The following KDM4C variants were observed in gnomAD, a reference collection of about 807,000 sequenced individuals.
KDM4C encodes lysine-specific demethylase 4C.
Under a neutral mutation model 129.3 loss-of-function variants are expected in KDM4C, and 81 were observed. The ratio of observed to expected loss-of-function variants is 0.63; its 90% CI spans 0.52 to 0.75. The LOEUF (loss-of-function observed/expected upper bound fraction) is 0.75. KDM4C is among the 30% of genes least tolerant of loss of function. The pLI, the probability that KDM4C is intolerant of heterozygous loss-of-function variation, is 0.00. For synonymous variants in KDM4C, 573 were observed against 456.1 expected (o/e 1.26, Z -3.26); for missense variants, 1,457 against 1,304.0 (o/e 1.12, Z -1.81).
chr9:7,105,627 C>CT (rs1837599516), intron 18 of KDM4C: 2 of 357,796 alleles, frequency 5.6e-6, no homozygotes, highest in East Asian at 7.5e-5. Flanking sequence ...AGCTCATACT[C>CT]TATTATTTGG....
rs118091453 is a variant in KDM4C, at chr9:7,151,027, C to T, written c.2782-14211C>T. Among the ~76,000 whole-genome samples, 351 of 152,182 alleles carry T rather than the reference C, an allele frequency of 2.3e-3. 7 individuals carry two copies. Among genetic ancestry groups the T allele is most frequent in the East Asian group, 0.014 (73 of 5,172 alleles). ...GGGAAAGTACGTACTAACAAAGCAG[C>T]GGACCAGGCACTGTGGCTCACACCT... is the stretch of plus-strand genomic sequence containing the variant. On this transcript the variant is annotated intron_variant, in intron 19 of 21. Coordinates refer to ENST00000381309, the MANE Select transcript of KDM4C (RefSeq NM_015061.6).
At chr9:6,913,538 A>G (rs565871964) in intron 8 of KDM4C, among the ~76,000 whole-genome samples, 1 of 152,208 alleles carries the variant, frequency 6.6e-6, no homozygotes, top group Non-Finnish European at 1.5e-5. Context: ...AGAGGCAGGC[A>G]AAGGGCTGTT....
At chr9:6,853,129 G>A (rs1839161351) in intron 5 of KDM4C, among the ~76,000 whole-genome samples, 1 of 152,056 alleles carries the variant, frequency 6.6e-6, no homozygotes, top group Non-Finnish European at 1.5e-5. Flanking sequence ...TATTGAATTA[G>A]AAGAGTGTTA....
At chr9:6,824,848 C>T (rs1564098270) in intron 4 of KDM4C, among the ~76,000 whole-genome samples, 2 of 151,872 alleles carry the variant, frequency 1.3e-5, no homozygotes, top group East Asian at 3.9e-4. Context: ...ATGTCTAGCT[C>T]AATAGAAGAT....
intron 20 of KDM4C, among the ~76,000 whole-genome samples, chr9:7,168,104 C>G (rs1019146886): frequency 6.6e-6 from 1 of 152,182 alleles, no homozygotes; most frequent in Non-Finnish European, 1.5e-5. Context: ...AGAAGAATCA[C>G]TTGAACCCAG....
At chr9:6,825,127 C>A (rs1043035635) in intron 4 of KDM4C, among the ~76,000 whole-genome samples, 1 of 134,810 alleles carries the variant, frequency 7.4e-6, no homozygotes, top group Admixed American at 8.1e-5. Context: ...GCCTGGGCAA[C>A]CAGAGTGAAA....
intron 12 of KDM4C, among the ~76,000 whole-genome samples, chr9:7,003,207 C>G (rs965506546): frequency 6.0e-4 from 91 of 152,266 alleles, no homozygotes; most frequent in African/African-American, 2.2e-3. Context: ...AGCTAGAATA[C>G]TGGTAAAAGA....
At chr9:7,062,336 C>G (rs1831813938) in intron 17 of KDM4C, among the ~76,000 whole-genome samples, 1 of 151,966 alleles carries the variant, frequency 6.6e-6, no homozygotes, top group African/African-American at 2.4e-5. Flanking sequence ...TGTCACTTGT[C>G]TTACTTTCTA....
chr9:6,849,287 A>C (rs563573062), intron 4 of KDM4C, among the ~76,000 whole-genome samples: 1 of 152,224 alleles, frequency 6.6e-6, no homozygotes, highest in African/African-American at 2.4e-5. Flanking sequence ...TTTCTACCAG[A>C]TAGTTGTATG....
intron 5 of KDM4C, among the ~76,000 whole-genome samples, chr9:6,870,525 A>G (rs1404383184): frequency 6.6e-6 from 1 of 152,052 alleles, no homozygotes; most frequent in Non-Finnish European, 1.5e-5. Context: ...ACATCTTAGC[A>G]TAAGCTCTGG....
intron 4 of KDM4C, among the ~76,000 whole-genome samples, chr9:6,825,492 A>G (rs1189556177): frequency 1.3e-5 from 2 of 152,216 alleles, no homozygotes; most frequent in Non-Finnish European, 2.9e-5. Context: ...AGGTAACTGC[A>G]TTCCTGATAT....
chr9:6,925,493 A>T, intron 8 of KDM4C: 1 of 770,228 alleles, frequency 1.3e-6, no homozygotes, highest in Non-Finnish European at 1.5e-6. Flanking sequence ...ACATATTCTC[A>T]CCATCTTGCT....
intron 12 of KDM4C, among the ~76,000 whole-genome samples, chr9:7,008,458 C>A (rs1050613507): frequency 6.6e-5 from 10 of 152,210 alleles, no homozygotes; most frequent in African/African-American, 2.4e-4. Flanking sequence ...AGAGCCAAGA[C>A]AACCCCCACA....
intron 19 of KDM4C, among the ~76,000 whole-genome samples, chr9:7,146,841 C>T (rs1376639748): frequency 6.6e-6 from 1 of 152,194 alleles, no homozygotes. Context: ...ATAACAAACA[C>T]GATTGTCCTC....
At chr9:7,163,146 G>GC (rs57176331) in intron 19 of KDM4C, among the ~76,000 whole-genome samples, 53 of 152,240 alleles carry the variant, frequency 3.5e-4, no homozygotes, top group African/African-American at 1.3e-3. Flanking sequence ...AAGGAGCTGA[G>GC]CTAGAGGTCA....
chr9:6,820,086 A>G (rs898741927), intron 4 of KDM4C, among the ~76,000 whole-genome samples: 1 of 152,312 alleles, frequency 6.6e-6, no homozygotes. Flanking sequence ...TGCAAGGTGC[A>G]AAGATGGATA....
chr9:7,099,722 G>C (rs1340683936), intron 17 of KDM4C, among the ~76,000 whole-genome samples: 3 of 152,096 alleles, frequency 2.0e-5, no homozygotes, highest in African/African-American at 7.2e-5. Context: ...GGAATCCTGG[G>C]GCGGAAGAGA....
intron 1 of KDM4C, chr9:6,726,468 C>T (rs563802635): frequency 2.6e-5 from 4 of 152,368 alleles, no homozygotes; most frequent in Non-Finnish European, 5.9e-5. Context: ...TGGCTATCAC[C>T]AGCTCAAAGC....
chr9:7,161,763 AC>A lies in KDM4C; in HGVS notation c.2782-3474del, dbSNP rs1003611298. ...ATTAGTGATTGAAACAATTTTGGGG[AC>A]ACCCACCAGCTTCTACTTTGGAGAG... On this transcript the variant is annotated intron_variant, in intron 19 of 21. Transcript: ENST00000381309. Among the ~76,000 whole-genome samples the A allele has an allele frequency of 3.6e-4, 55 of 152,170 alleles. 1 individual carries two copies. Among genetic ancestry groups the A allele is most frequent in the African/African-American group, 1.1e-3 (46 of 41,432 alleles).
Sources: allele counts gnomAD v4.1 joint callset (sites outside exome capture counted in the v4.1 genomes callset), GRCh38; gene constraint gnomAD v4.1.1; transcripts MANE v1.5; gene names NCBI Gene and HGNC (gene_info 2026-07-23, HGNC 2026-07-21).